ANK2: variants seen among roughly 807,000 people sequenced by gnomAD.
The protein encoded by ANK2 is ankyrin 2.
A neutral mutation model predicts 360.5 loss-of-function variants in ANK2; 83 were observed. The observed-to-expected ratio is 0.23, with a 90% CI of 0.19 to 0.28. The LOEUF (loss-of-function observed/expected upper bound fraction) is 0.28, where lower values mean the gene tolerates loss of function less well. ANK2 is among the 10% of genes least tolerant of loss of function. The pLI is 1.00. For missense variants in ANK2, 4,201 were observed against 4,795.7 expected (o/e 0.88, Z 3.66); for synonymous variants, 1,740 against 1,759.5 (o/e 0.99, Z 0.28).
intron 1 of ANK2, chr4:113,145,925 A>G: frequency 7.8e-7 from 1 of 1,289,856 alleles, no homozygotes; most frequent in South Asian, 1.2e-5. Flanking sequence ...TAAGAGCACA[A>G]GGAAACATGC....
chr4:113,115,039 G>A (rs2094626602), intron 1 of ANK2, among the ~76,000 whole-genome samples: 1 of 152,148 alleles, frequency 6.6e-6, no homozygotes, highest in African/African-American at 2.4e-5. Flanking sequence ...AACACCCTGT[G>A]CTCTAGTCTT....
the ANK2 span, among the ~76,000 whole-genome samples, chr4:112,735,445 T>TC: frequency 6.6e-6 from 1 of 152,196 alleles, no homozygotes; most frequent in Non-Finnish European, 1.5e-5. Flanking sequence ...TTCCTTCATA[T>TC]CCCCCAATAC....
At chr4:113,362,763 A>G (rs1220924909) in intron 39 of ANK2, among the ~76,000 whole-genome samples, 1 of 152,152 alleles carries the variant, frequency 6.6e-6, no homozygotes, top group Non-Finnish European at 1.5e-5. Context: ...TCCATATGGA[A>G]GGTTAATAGT....
intron 1 of ANK2, among the ~76,000 whole-genome samples, chr4:113,059,957 T>C (rs957174511): frequency 2.0e-5 from 3 of 151,998 alleles, no homozygotes; most frequent in African/African-American, 7.2e-5. Flanking sequence ...CTGAAGAGAG[T>C]AGCTGATCAA....
rs147094671 is a variant in ANK2 at position 113,026,276 on chromosome 4, T to C, written c.21+121762T>C. 1.9e-3 allele frequency among the ~76,000 whole-genome samples: 291 copies of C among 152,234 alleles called. 1 individual carries two copies. Among genetic ancestry groups the C allele is most frequent in the African/African-American group, 6.7e-3 (277 of 41,548 alleles). On this transcript the variant is annotated intron_variant, in intron 2 of 30. Transcript: ENST00000503271. ...CAGAAGAAGTAAGCAGATTTTTATA[T>C]GAGATCTCCTGACTTCTAAATGTGA...
At position 113,215,843 on chromosome 4, in the gene ANK2, T is replaced by G. The variant is rs116297790; in HGVS notation, c.385-16318T>G. ...AACCCACTTTTTTTCTTGTGTTATCTTCATCTACAATTTTTCTATCTTCTA... is the reference window on the plus strand; with the variant it reads ...AACCCACTTTTTTTCTTGTGTTATCGTCATCTACAATTTTTCTATCTTCTA... On this transcript the variant is annotated intron_variant, in intron 4 of 45. Coordinates refer to ENST00000357077, the MANE Select transcript of ANK2 (RefSeq NM_001148.6). Among the ~76,000 whole-genome samples, 1,137 of 152,276 alleles carry G rather than the reference T, an allele frequency of 7.5e-3. 8 individuals are homozygous for G. The highest frequency in any genetic ancestry group is 0.012 in the African/African-American group (500 of 41,576).
At chr4:112,916,031 T>C (rs969293800) in intron 2 of ANK2, among the ~76,000 whole-genome samples, 2 of 152,224 alleles carry the variant, frequency 1.3e-5, no homozygotes, top group African/African-American at 4.8e-5. Flanking sequence ...ATTATTGATA[T>C]TTAGATGCTC....
the ANK2 span, among the ~76,000 whole-genome samples, chr4:112,747,795 C>T: frequency 1.3e-5 from 2 of 152,108 alleles, no homozygotes; most frequent in Non-Finnish European, 2.9e-5. Context: ...ACCCTCCAGT[C>T]TCCTAGGGTT....
chr4:112,779,891 T>G, the ANK2 span, among the ~76,000 whole-genome samples: 1 of 152,180 alleles, frequency 6.6e-6, no homozygotes, highest in Non-Finnish European at 1.5e-5. Context: ...TGCCAGAAGA[T>G]GGCATTGTGC....
chr4:113,288,272 A>T, intron 19 of ANK2, 116 bp from the exon 20 acceptor site: 1 of 885,126 alleles, frequency 1.1e-6, no homozygotes, highest in Non-Finnish European at 1.8e-6. Flanking sequence ...ATCTTTAGTC[A>T]AATGGAATCC....
At chr4:113,046,572 G>A (rs2064489252), upstream of ANK2, among the ~76,000 whole-genome samples, 1 of 152,060 alleles carries the variant, frequency 6.6e-6, no homozygotes, top group Non-Finnish European at 1.5e-5. Flanking sequence ...TGCCATGTGA[G>A]GAGAGTGTTC....
chr4:113,043,005 G>A (rs2063342792), intron 2 of ANK2, among the ~76,000 whole-genome samples: 1 of 152,104 alleles, frequency 6.6e-6, no homozygotes, highest in Non-Finnish European at 1.5e-5. Context: ...TAAGGAAAAA[G>A]ATTATCTAGT....
At chr4:113,288,522 CA>C (rs776814100) in intron 20 of ANK2, 36 bp downstream of exon 20, 5 of 1,561,446 alleles carry the variant, frequency 3.2e-6, no homozygotes, top group East Asian at 4.5e-5. Context: ...TTCCTATAAG[CA>C]AAAAGGTTCA....
At chr4:113,036,335 G>T (rs2061598122) in intron 2 of ANK2, among the ~76,000 whole-genome samples, 1 of 151,672 alleles carries the variant, frequency 6.6e-6, no homozygotes, top group African/African-American at 2.4e-5. Flanking sequence ...AATTATCTAG[G>T]AGAAAAATTA....
chr4:113,255,789 A>G lies in ANK2; in HGVS notation c.1045A>G (p.Lys349Glu), dbSNP rs560233021. ...CCAGGGAGACCACGTGGAATGTGTG[A>G]AGCACCTGTTACAGCACAAGGCACC... ...AAQGDHVECV[K>E]HLLQHKAPVD... The change falls in exon 11 of 46, where the codon AAG becomes GAG. Residue 349 changes from lysine (K) to glutamate (E), a missense_variant. Coordinates refer to ENST00000357077, the MANE Select transcript of ANK2 (RefSeq NM_001148.6). The G allele has an allele frequency of 1.9e-5, 30 of 1,614,172 alleles. 1 individual carries two copies. The South Asian group carries it at 3.3e-4, about 18-fold the overall frequency.
chr4:112,999,259 A>G (rs1384605215), intron 2 of ANK2, among the ~76,000 whole-genome samples: 1 of 144,714 alleles, frequency 6.9e-6, no homozygotes, highest in Non-Finnish European at 1.5e-5. Context: ...TGCAGTTTCA[A>G]AAGAGTAACT....
chr4:113,268,725 T>A (rs1018059478), intron 14 of ANK2, among the ~76,000 whole-genome samples: 11 of 152,186 alleles, frequency 7.2e-5, no homozygotes, highest in African/African-American at 2.7e-4. Context: ...TTGTTGTGTC[T>A]CTGCCAGGTT....
intron 1 of ANK2, among the ~76,000 whole-genome samples, chr4:112,862,398 T>G (rs767399284): frequency 1.2e-4 from 19 of 152,218 alleles, no homozygotes; most frequent in Non-Finnish European, 2.5e-4. Context: ...CTTTTTGACA[T>G]GTTAATCTTC....
At chr4:113,222,079 A>G (rs770082403) in intron 4 of ANK2, among the ~76,000 whole-genome samples, 5 of 152,226 alleles carry the variant, frequency 3.3e-5, no homozygotes, top group African/African-American at 1.2e-4. Flanking sequence ...TGTGAATGCT[A>G]ATTTCCTTGA....
Sources: gnomAD v4.1 joint callset for allele counts (sites outside exome capture counted in the v4.1 genomes callset) on GRCh38, gnomAD v4.1.1 for gene constraint, MANE v1.5 for transcripts, NCBI Gene and HGNC (gene_info 2026-07-23, HGNC 2026-07-21) for gene names.